The following NAA11 variants were observed in gnomAD, a reference collection of about 807,000 sequenced individuals.
NAA11 encodes N-alpha-acetyltransferase 11.
In NAA11, 15 loss-of-function variants were observed where a neutral mutation model predicts 16.1. The observed-to-expected ratio is 0.93, with a 90% CI of 0.62 to 1.44. The LOEUF is 1.44. NAA11 is among the 40% of genes most tolerant of loss of function. The pLI, the probability that NAA11 is intolerant of heterozygous loss-of-function variation, is 0.00. For missense variants in NAA11, 298 were observed against 291.3 expected, an observed-to-expected ratio of 1.02 and a Z score of -0.17; for synonymous variants, 122 against 112.4, an observed-to-expected ratio of 1.09 and a Z score of -0.54.
chr4:79,325,686 T>C lies in NAA11; in HGVS notation c.192A>G (p.Pro64=), dbSNP rs1411096213. The change falls in exon 1 of 2, where the codon CCA becomes CCG. Residue 64 remains proline (P), a synonymous_variant. Coordinates refer to ENST00000286794, the MANE Select transcript of NAA11 (RefSeq NM_032693.3). Reference sequence around the variant, plus strand: ...TGATATGGCCATGCGGGACATCATCTGGTTCCTCCTCCATTTTGGCCAGAA... The same window carrying C: ...TGATATGGCCATGCGGGACATCATCCGGTTCCTCCTCCATTTTGGCCAGAA... The part of the protein sequence containing the change: ...GYVLAKMEEE[P]DDVPHGHITS... The C allele has an allele frequency of 2.5e-6, 4 of 1,608,880 alleles. No homozygotes were observed. Among genetic ancestry groups the C allele is most frequent in the Admixed American group, 1.8e-5 (1 of 55,046 alleles).
At chr4:79,157,762 A>G in the NAA11 span, among the ~76,000 whole-genome samples, 1 of 152,094 alleles carries the variant, frequency 6.6e-6, no homozygotes, top group African/African-American at 2.4e-5. Flanking sequence ...GAACTGGAAC[A>G]AGACAAGGAT....
chr4:79,222,336 G>A (rs990653063), downstream of NAA11, among the ~76,000 whole-genome samples: 2 of 151,772 alleles, frequency 1.3e-5, no homozygotes, highest in African/African-American at 2.4e-5. Context: ...CAGAAATAAC[G>A]CCACATATCT....
the NAA11 span, among the ~76,000 whole-genome samples, chr4:79,202,626 TA>T: frequency 1.1e-4 from 7 of 62,256 alleles, no homozygotes; most frequent in Admixed American, 4.9e-4. Flanking sequence ...TATAGTTTTA[TA>T]TATATATATA....
At position 79,296,586 on chromosome 4, in the gene NAA11, A is replaced by G. The variant is rs543211481; in HGVS notation, c.*13-2472T>C. On this transcript the variant is annotated intron_variant and NMD_transcript_variant, in intron 1 of 2. Coordinates refer to the NAA11 transcript ENST00000511542. Reference sequence around the variant, plus strand: ...CATTAATTTCAGCATTCAATCTTCAATTGATACTCAGTTTCAAGTACAGTT... The same window carrying G: ...CATTAATTTCAGCATTCAATCTTCAGTTGATACTCAGTTTCAAGTACAGTT... 1.9e-4 allele frequency among the ~76,000 whole-genome samples: 29 copies of G among 152,238 alleles called. No individual in the cohort carries two copies. In the South Asian group the frequency reaches 5.8e-3, roughly 30 times the overall value.
intron 2 of NAA11, among the ~76,000 whole-genome samples, chr4:79,226,757 T>C (rs374329949): frequency 3.3e-4 from 50 of 151,966 alleles, no homozygotes; most frequent in East Asian, 5.8e-4. Flanking sequence ...AGGACATGAA[T>C]TCATCCTTTT....
At chr4:79,199,696 G>A in the NAA11 span, among the ~76,000 whole-genome samples, 1 of 151,820 alleles carries the variant, frequency 6.6e-6, no homozygotes, top group Non-Finnish European at 1.5e-5. Flanking sequence ...ATACAAAAAA[G>A]GGAGAGCTTT....
At chr4:79,201,561 A>G in the NAA11 span, among the ~76,000 whole-genome samples, 1 of 151,544 alleles carries the variant, frequency 6.6e-6, no homozygotes, top group African/African-American at 2.4e-5. Context: ...TTTTATATTA[A>G]TGGTAAAAAC....
At chr4:79,252,517 G>A (rs995230349) in intron 2 of NAA11, among the ~76,000 whole-genome samples, 2 of 152,138 alleles carry the variant, frequency 1.3e-5, no homozygotes, top group Admixed American at 1.3e-4. Context: ...TAATATAAAT[G>A]GCAGGTAAAT....
intron 2 of NAA11, among the ~76,000 whole-genome samples, chr4:79,242,395 G>A (rs1016591709): frequency 9.8e-5 from 15 of 152,342 alleles, no homozygotes; most frequent in Admixed American, 5.9e-4. Flanking sequence ...TTGTACTATG[G>A]AGGGGCATTT....
intron 2 of NAA11, among the ~76,000 whole-genome samples, chr4:79,288,372 GA>G (rs1299139387): frequency 1.3e-5 from 2 of 151,802 alleles, no homozygotes; most frequent in East Asian, 3.9e-4. Flanking sequence ...TATGTTGTAA[GA>G]AAAAAAACAT....
chr4:79,162,592 T>C, the NAA11 span, among the ~76,000 whole-genome samples: 1 of 152,240 alleles, frequency 6.6e-6, no homozygotes, highest in South Asian at 2.1e-4. Context: ...AAATATCCCA[T>C]GATTATAACT....
chr4:79,161,936 G>C, the NAA11 span, among the ~76,000 whole-genome samples: 7 of 152,034 alleles, frequency 4.6e-5, no homozygotes, highest in Non-Finnish European at 1.0e-4. Flanking sequence ...CCACCTCGGC[G>C]TCCCAAAGTG....
intron 2 of NAA11, among the ~76,000 whole-genome samples, chr4:79,242,368 T>G (rs1176606984): frequency 6.6e-6 from 1 of 152,256 alleles, no homozygotes; most frequent in Admixed American, 6.5e-5. Context: ...CAATTGTGTC[T>G]GCCTGCTTCA....
At chr4:79,261,140 T>C (rs1478036867) in intron 2 of NAA11, among the ~76,000 whole-genome samples, 10 of 152,256 alleles carry the variant, frequency 6.6e-5, no homozygotes. Flanking sequence ...TTGAGGATGC[T>C]CTAACAAAGA....
downstream of NAA11, among the ~76,000 whole-genome samples, chr4:79,221,566 TGA>T (rs1721188900): frequency 7.6e-6 from 1 of 131,404 alleles, no homozygotes; most frequent in South Asian, 3.0e-4. Context: ...CCTAATTTAT[TGA>T]GAGTTTTTAG....
the NAA11 span, among the ~76,000 whole-genome samples, chr4:79,161,775 C>T: frequency 2.1e-4 from 32 of 152,176 alleles, no homozygotes; most frequent in Admixed American, 1.4e-3. Flanking sequence ...CCCGGCCTCC[C>T]GGGTTCAAGT....
chr4:79,160,013 C>CA, the NAA11 span, among the ~76,000 whole-genome samples: 1 of 139,132 alleles, frequency 7.2e-6, no homozygotes, highest in Non-Finnish European at 1.5e-5. Flanking sequence ...TTTTTTAAGA[C>CA]AGAGTTTTGC....
At chr4:79,258,495 A>G (rs1485728852) in intron 2 of NAA11, among the ~76,000 whole-genome samples, 1 of 152,208 alleles carries the variant, frequency 6.6e-6, no homozygotes, top group Non-Finnish European at 1.5e-5. Context: ...CACATGGTCA[A>G]GGAGTGCTGA....
At chr4:79,237,549 AACACTG>A (rs1721597575) in intron 2 of NAA11, among the ~76,000 whole-genome samples, 1 of 152,216 alleles carries the variant, frequency 6.6e-6, no homozygotes, top group South Asian at 2.1e-4. Context: ...CAACGATTCA[AACACTG>A]ACACCTATCA....
Sources: allele counts gnomAD v4.1 joint callset (sites outside exome capture counted in the v4.1 genomes callset), GRCh38; gene constraint gnomAD v4.1.1; transcripts MANE v1.5; gene names NCBI Gene and HGNC (gene_info 2026-07-23, HGNC 2026-07-21).